RGS12: variants seen among roughly 807,000 people sequenced by gnomAD.
RGS12 encodes the protein regulator of G protein signaling 12, also known as regulator of G-protein signaling 12.
Under a neutral mutation model 120.1 loss-of-function variants are expected in RGS12, and 66 were observed. The ratio of observed to expected loss-of-function variants is 0.55; its 90% confidence interval spans 0.45 to 0.67. The LOEUF (loss-of-function observed/expected upper bound fraction) is 0.67. RGS12 is among the 30% of genes least tolerant of loss of function. The probability of loss-of-function intolerance (pLI) is 0.00; values close to 1 mark genes in which losing one functional copy is unlikely to be tolerated. For missense variants in RGS12, 1,859 were observed against 1,957.7 expected (o/e 0.95, Z 0.95); for synonymous variants, 827 against 804.7 (o/e 1.03, Z -0.47).
intron 1 of RGS12, among the ~76,000 whole-genome samples, chr4:3,307,586 T>C (rs900698847): frequency 6.6e-6 from 1 of 152,224 alleles, no homozygotes; most frequent in Non-Finnish European, 1.5e-5. Context: ...TTCAGTCAAA[T>C]AGGTTCTTGG....
In RGS12 at chr4:3,433,558, C is replaced by T. The variant is rs546870614; in HGVS notation, c.4114+2603C>T. Among the ~76,000 whole-genome samples, 57 of 151,756 alleles carry T rather than the reference C, an allele frequency of 3.8e-4. No individual in the cohort carries two copies. The highest frequency in any genetic ancestry group is 1.3e-3 in the African/African-American group (55 of 41,340). On this transcript the variant is annotated intron_variant, in intron 17 of 17. Transcript: ENST00000336727. The surrounding 1 kb of genome is among the most constrained non-coding windows in gnomAD (Gnocchi z 4.4). The stretch of plus-strand genomic sequence containing the variant: ...ATGCCACATGCCACACCACCCCATC[C>T]TAGCCCCAGCACCACGTGCCATGCC...
Position 3,422,879 on chromosome 4 carries a change from T to G in RGS12, c.3034-26T>G. ...TGGGGGGCTGCCTGCTGTGCCCACGTTGATTCTGGTCTCTCTGTTCCTCAG... is the reference window on the plus strand; with the variant it reads ...TGGGGGGCTGCCTGCTGTGCCCACGGTGATTCTGGTCTCTCTGTTCCTCAG... On this transcript the variant is annotated intron_variant, in intron 11 of 17. Transcript: ENST00000336727. 4 of 1,608,114 alleles carry G rather than the reference T, an allele frequency of 2.5e-6. No individual in the cohort carries two copies. In the African/African-American group the frequency reaches 5.3e-5, roughly 21 times the overall value.
intron 4 of RGS12, among the ~76,000 whole-genome samples, chr4:3,411,953 AGCC>A (rs1721782218): frequency 6.6e-6 from 1 of 152,246 alleles, no homozygotes; most frequent in South Asian, 2.1e-4. Flanking sequence ...TGTGAGCCCC[AGCC>A]GCAGGCCTCT....
intron 3 of RGS12, among the ~76,000 whole-genome samples, chr4:3,370,678 A>G (rs576686388): frequency 6.6e-6 from 1 of 152,268 alleles, no homozygotes; most frequent in Non-Finnish European, 1.5e-5. Context: ...TTTTGTTGAA[A>G]TATTAATTTT....
chr4:3,315,246 C>A (rs1473615203), intron 1 of RGS12, among the ~76,000 whole-genome samples: 1 of 152,210 alleles, frequency 6.6e-6, no homozygotes. Flanking sequence ...TGTAATGAAT[C>A]TCAGCTGTGA....
At chr4:3,349,428 C>T (rs1189143216) in intron 3 of RGS12, among the ~76,000 whole-genome samples, 1 of 152,178 alleles carries the variant, frequency 6.6e-6, no homozygotes, top group African/African-American at 2.4e-5. Flanking sequence ...GATACATCTA[C>T]ATACCTATAA....
intron 3 of RGS12, among the ~76,000 whole-genome samples, chr4:3,358,109 A>G (rs1419344043): frequency 6.6e-6 from 1 of 152,118 alleles, no homozygotes; most frequent in Non-Finnish European, 1.5e-5. Flanking sequence ...TACTATTGTT[A>G]ATGTAATTGT....
chr4:3,316,780 C>T lies in RGS12; in HGVS notation c.610C>T (p.His204Tyr), dbSNP rs1056614161. The T allele has an allele frequency of 6.2e-7, 1 of 1,614,182 alleles. No homozygotes were observed. The highest frequency in any genetic ancestry group is 8.5e-7 in the Non-Finnish European group (1 of 1,180,028). Residue 204 changes from histidine to tyrosine, a missense_variant, in exon 2 of 18, where the codon CAT becomes TAT. Physicochemically the swap from His to Tyr is moderately conservative, Grantham distance 83. This residue lies in a region of RGS12 where 967 missense variants were observed against 994.2 expected (regional missense o/e 0.97). Coordinates refer to ENST00000336727, the MANE Select transcript of RGS12 (RefSeq NM_001394154.1). ...TAAGGAGGAAATATCAAAAGTTATTCATGATGATTCGGTTTTCAGCATTGG... is the reference window on the plus strand; with the variant it reads ...TAAGGAGGAAATATCAAAAGTTATTTATGATGATTCGGTTTTCAGCATTGG... ...LSKEEISKVI[H>Y]DDSVFSIGLE... is the part of the protein sequence containing the mutation.
At chr4:3,286,973 G>C in the RGS12 span, among the ~76,000 whole-genome samples, 16 of 152,332 alleles carry the variant, frequency 1.1e-4, no homozygotes, top group African/African-American at 3.8e-4. Context: ...ACCTGGCTAT[G>C]ATGGTGATCT....
chr4:3,334,723 G>A (rs1016071608), intron 2 of RGS12, among the ~76,000 whole-genome samples: 1 of 152,070 alleles, frequency 6.6e-6, no homozygotes, highest in Non-Finnish European at 1.5e-5. Context: ...TTAATCTGGT[G>A]AAAGCAGCCT....
At chr4:3,304,540 A>C (rs1723867711) in intron 1 of RGS12, among the ~76,000 whole-genome samples, 1 of 152,172 alleles carries the variant, frequency 6.6e-6, no homozygotes, top group Non-Finnish European at 1.5e-5. Flanking sequence ...TTTGAATCCT[A>C]ACTGCCTCCA....
At chr4:3,371,284 C>T (rs576435647) in intron 3 of RGS12, among the ~76,000 whole-genome samples, 1 of 152,252 alleles carries the variant, frequency 6.6e-6, no homozygotes, top group East Asian at 1.9e-4. Flanking sequence ...TGCCGCGGGC[C>T]GCCTCTGGCT....
At position 3,430,866 on chromosome 4, in the gene RGS12, T is replaced by C; in HGVS notation, c.4025T>C (p.Leu1342Pro). The change falls in exon 17 of 18, where the codon CTG (leucine) becomes CCG (proline). Residue 1342 changes from leucine (L) to proline (P), a missense_variant. Leu to Pro is a moderately conservative substitution (Grantham distance 98). This residue lies in a region of RGS12 where 517 missense variants were observed against 488.5 expected (regional missense o/e 1.06). Transcript: ENST00000336727. Reference sequence around the variant, plus strand: ...GATGAGCACGTGGCCGAGCTGACCCTGATGGGGGAGGGGGACATCAGCAGC... The same window carrying C: ...GATGAGCACGTGGCCGAGCTGACCCCGATGGGGGAGGGGGACATCAGCAGC... ...VEDEHVAELT[L>P]MGEGDISSPN... 6.2e-7 allele frequency: 1 copy of C among 1,612,240 alleles called. No homozygotes were observed. The highest frequency in any genetic ancestry group is 8.5e-7 in the Non-Finnish European group (1 of 1,179,696).
At chr4:3,424,540 CCT>C (rs1723398688) in intron 13 of RGS12, among the ~76,000 whole-genome samples, 1 of 152,212 alleles carries the variant, frequency 6.6e-6, no homozygotes, top group Non-Finnish European at 1.5e-5. Flanking sequence ...TTGTTTAGCC[CCT>C]GTGTGTCACA....
At chr4:3,434,796 C>T (rs927477520) in intron 17 of RGS12, among the ~76,000 whole-genome samples, 2 of 152,236 alleles carry the variant, frequency 1.3e-5, no homozygotes, top group Non-Finnish European at 2.9e-5. Context: ...AGATCTGCTT[C>T]GTTTCCAACA....
intron 4 of RGS12, among the ~76,000 whole-genome samples, chr4:3,408,158 C>T (rs1156852803): frequency 3.3e-5 from 5 of 152,174 alleles, no homozygotes; most frequent in African/African-American, 9.7e-5. Flanking sequence ...GAGTTACAGA[C>T]GTGGTGGCAT....
At chr4:3,388,009 T>A (rs916199395) in intron 4 of RGS12, among the ~76,000 whole-genome samples, 1 of 152,118 alleles carries the variant, frequency 6.6e-6, no homozygotes, top group Admixed American at 6.5e-5. Context: ...TGTGTGTCCC[T>A]CTGAGGAAGT....
chr4:3,343,804 T>C (rs922390426), intron 3 of RGS12, among the ~76,000 whole-genome samples: 1 of 152,186 alleles, frequency 6.6e-6, no homozygotes, highest in Non-Finnish European at 1.5e-5. Context: ...TTTGACTGTC[T>C]CATTTGGCAT....
chr4:3,309,433 G>A (rs1314996544), intron 1 of RGS12, among the ~76,000 whole-genome samples: 5 of 138,696 alleles, frequency 3.6e-5, no homozygotes, highest in African/African-American at 1.1e-4. Context: ...AACCGTGCAG[G>A]GGAGGAGCTG....
Sources: allele counts gnomAD v4.1 joint callset (sites outside exome capture counted in the v4.1 genomes callset), GRCh38; gene constraint gnomAD v4.1.1; regional missense constraint gnomAD v4.1.1; non-coding constraint Gnocchi (gnomAD v3.1); transcripts MANE v1.5; gene names NCBI Gene and HGNC (gene_info 2026-07-23, HGNC 2026-07-21).